Variants in THSD4 observed in about 807,000 individuals in gnomAD.
THSD4 encodes the protein thrombospondin type-1 domain-containing protein 4.
Under a neutral mutation model 119.0 loss-of-function variants are expected in THSD4, and 69 were observed. The observed-to-expected ratio is 0.58, with a 90% CI of 0.48 to 0.71. The LOEUF (loss-of-function observed/expected upper bound fraction) is 0.71, where lower values mean the gene tolerates loss of function less well. THSD4 is among the 30% of genes least tolerant of loss of function. THSD4 has a pLI of 0.00. For synonymous variants in THSD4, 524 were observed against 540.4 expected, an observed-to-expected ratio of 0.97 and a Z score of 0.42; for missense variants, 1,393 against 1,391.1, an observed-to-expected ratio of 1.00 and a Z score of -0.02.
In THSD4 at chr15:71,569,385, G is replaced by A. The variant is rs531139777; in HGVS notation, c.1153-91145G>A. ...ATAAATCTAGAGTCCAGTCTTGTTT[G>A]TTTCTTTATTTGGCCCAGTGATCAA... On this transcript the variant is annotated intron_variant, in intron 7 of 17. Transcript: ENST00000261862. 2.0e-5 allele frequency among the ~76,000 whole-genome samples: 3 copies of A among 152,266 alleles called. No homozygotes were observed. In the South Asian group the frequency reaches 6.2e-4, roughly 32 times the overall value.
At chr15:71,358,189 C>T (rs2045847415) in intron 6 of THSD4, among the ~76,000 whole-genome samples, 1 of 152,208 alleles carries the variant, frequency 6.6e-6, no homozygotes, top group Non-Finnish European at 1.5e-5. Flanking sequence ...AAAGGTGTCT[C>T]TCTCACCCCA....
At chr15:71,332,420 CTG>C (rs767468033) in intron 6 of THSD4, among the ~76,000 whole-genome samples, 1 of 152,154 alleles carries the variant, frequency 6.6e-6, no homozygotes, top group Non-Finnish European at 1.5e-5. Flanking sequence ...GGGTACGTGT[CTG>C]TGTGTATATT....
intron 6 of THSD4, among the ~76,000 whole-genome samples, chr15:71,344,992 A>G (rs2045635226): frequency 6.6e-6 from 1 of 152,058 alleles, no homozygotes; most frequent in African/African-American, 2.4e-5. Flanking sequence ...ATGGGTAGCA[A>G]GCAGTGTGTG....
chr15:71,514,855 G>T (rs2048334843), intron 7 of THSD4, among the ~76,000 whole-genome samples: 1 of 152,078 alleles, frequency 6.6e-6, no homozygotes, highest in African/African-American at 2.4e-5. Context: ...CTATCAGAGG[G>T]TATAATTTCT....
At chr15:71,353,832 G>A (rs930774217) in intron 6 of THSD4, among the ~76,000 whole-genome samples, 13 of 152,212 alleles carry the variant, frequency 8.5e-5, no homozygotes, top group South Asian at 2.1e-4. Context: ...TTTGCTGTTC[G>A]TGTGACCTCT....
At chr15:71,114,235 T>C (rs191934530), upstream of THSD4, among the ~76,000 whole-genome samples, 2 of 152,138 alleles carry the variant, frequency 1.3e-5, no homozygotes, top group Non-Finnish European at 2.9e-5. Context: ...TTTTTTTTTT[T>C]CTGGAGGACA....
chr15:71,250,919 G>GA (rs1293692303), intron 5 of THSD4, among the ~76,000 whole-genome samples: 2 of 151,566 alleles, frequency 1.3e-5, no homozygotes, highest in African/African-American at 4.8e-5. Flanking sequence ...TTCCTTGGAT[G>GA]AAAAAAATAA....
At chr15:71,144,294 T>C (rs1567137253) in intron 2 of THSD4, among the ~76,000 whole-genome samples, 1 of 152,156 alleles carries the variant, frequency 6.6e-6, no homozygotes, top group Non-Finnish European at 1.5e-5. Flanking sequence ...TAAATATATT[T>C]TTAAGAGAAA....
At chr15:71,277,270 C>T (rs949422808) in intron 6 of THSD4, among the ~76,000 whole-genome samples, 5 of 151,880 alleles carry the variant, frequency 3.3e-5, no homozygotes, top group African/African-American at 7.3e-5. Flanking sequence ...GGATTACAGG[C>T]GCCCGCCACC....
Position 71,362,283 on chromosome 15 carries a change from A to G in THSD4, c.1016-49404A>G, listed in dbSNP as rs139749827. 2.9e-3 allele frequency among the ~76,000 whole-genome samples: 438 copies of G among 152,354 alleles called. 1 individual carries two copies. The highest frequency in any genetic ancestry group is 0.01 in the African/African-American group (425 of 41,592). On this transcript the variant is annotated intron_variant, in intron 6 of 17. Transcript: ENST00000261862. ...GACACAGTGAGACTAAGTCTCAAAA[A>G]AAATTATAATGAGTGGCTGGGGTAC...
At chr15:71,741,424 C>T (rs150296628) in intron 11 of THSD4, among the ~76,000 whole-genome samples, 1,586 of 152,022 alleles carry the variant, frequency 0.01, 26 homozygotes, top group African/African-American at 0.034. Flanking sequence ...ACCCAGGAGG[C>T]GGAGGTTGCA....
At chr15:71,369,706 G>A (rs993329145) in intron 6 of THSD4, among the ~76,000 whole-genome samples, 2 of 152,106 alleles carry the variant, frequency 1.3e-5, no homozygotes, top group African/African-American at 4.8e-5. Context: ...GAGGATTTTT[G>A]CATCAATGTT....
intron 7 of THSD4, among the ~76,000 whole-genome samples, chr15:71,526,646 G>T (rs989430376): frequency 3.3e-5 from 5 of 152,178 alleles, no homozygotes; most frequent in African/African-American, 1.2e-4. Context: ...GTGAAATGAA[G>T]CTTAATCTCT....
At chr15:71,509,346 A>G (rs1356927910) in intron 7 of THSD4, among the ~76,000 whole-genome samples, 2 of 152,188 alleles carry the variant, frequency 1.3e-5, no homozygotes, top group Non-Finnish European at 2.9e-5. Context: ...GACAAGGGGA[A>G]CCGACTGCAA....
intron 7 of THSD4, among the ~76,000 whole-genome samples, chr15:71,562,976 G>A (rs953475742): frequency 1.3e-5 from 2 of 151,970 alleles, no homozygotes; most frequent in Non-Finnish European, 2.9e-5. Context: ...ATGCATCTCT[G>A]GTCTTTAAAT....
intron 7 of THSD4, among the ~76,000 whole-genome samples, chr15:71,622,925 G>T (rs1047953275): frequency 6.6e-6 from 1 of 152,220 alleles, no homozygotes; most frequent in Admixed American, 6.5e-5. Context: ...GCAGGATTTG[G>T]ATTGATAAAG....
chr15:71,268,977 T>C (rs375921261), intron 6 of THSD4, among the ~76,000 whole-genome samples: 1 of 152,034 alleles, frequency 6.6e-6, no homozygotes, highest in Non-Finnish European at 1.5e-5. Context: ...ATTAATAGCC[T>C]ACCAACCAAA....
At chr15:71,494,306 A>T (rs963644746) in intron 7 of THSD4, among the ~76,000 whole-genome samples, 1 of 152,160 alleles carries the variant, frequency 6.6e-6, no homozygotes, top group African/African-American at 2.4e-5. Flanking sequence ...GACGGAGCTC[A>T]TCTCTGTCCC....
At chr15:71,277,142 T>TTTTTTTTTTTTTTG (rs59124781) in intron 6 of THSD4, among the ~76,000 whole-genome samples, 50 of 150,172 alleles carry the variant, frequency 3.3e-4, no homozygotes, top group African/African-American at 1.1e-3. Context: ...TTTTTTTTTT[T>TTTTTTTTTTTTTTG]GAAACGGAGT....
Sources: allele counts gnomAD v4.1 joint callset (sites outside exome capture counted in the v4.1 genomes callset), GRCh38; gene constraint gnomAD v4.1.1; transcripts MANE v1.5; gene names NCBI Gene and HGNC (gene_info 2026-07-23, HGNC 2026-07-21).